Variants in NRXN3 observed in about 807,000 individuals in gnomAD.
NRXN3 encodes the protein neurexin 3, also known as neurexin III.
In NRXN3, 32 loss-of-function variants were observed where a neutral mutation model predicts 137.6. The ratio of observed to expected loss-of-function variants is 0.23; its 90% CI spans 0.18 to 0.31. The LOEUF (loss-of-function observed/expected upper bound fraction) is 0.31, where lower values mean the gene tolerates loss of function less well. Ranked by LOEUF, NRXN3 falls within the 10% of genes least tolerant of loss-of-function variation. NRXN3 has a pLI of 1.00. For synonymous variants in NRXN3, 798 were observed against 784.5 expected (o/e 1.02, Z -0.29); for missense variants, 1,574 against 2,062.5 (o/e 0.76, Z 4.59).
chr14:78,891,493 T>A (rs1325482833), intron 10 of NRXN3, among the ~76,000 whole-genome samples: 1 of 151,892 alleles, frequency 6.6e-6, no homozygotes, highest in East Asian at 1.9e-4. Flanking sequence ...GAGCTCACTG[T>A]ACATCCATGA....
At chr14:79,543,852 A>G (rs1325510310) in intron 16 of NRXN3, among the ~76,000 whole-genome samples, 2 of 152,170 alleles carry the variant, frequency 1.3e-5, no homozygotes, top group Non-Finnish European at 2.9e-5. Flanking sequence ...TTTTCAAGAG[A>G]AGCCAACAGT....
At chr14:79,640,930 G>T (rs543323008) in intron 16 of NRXN3, among the ~76,000 whole-genome samples, 2 of 135,920 alleles carry the variant, frequency 1.5e-5, no homozygotes, top group East Asian at 3.9e-4. Context: ...AAGGTAAGTA[G>T]CCTCTACTGG....
intron 15 of NRXN3, among the ~76,000 whole-genome samples, chr14:79,054,544 G>A (rs982194286): frequency 6.6e-6 from 1 of 152,152 alleles, no homozygotes; most frequent in African/African-American, 2.4e-5. Flanking sequence ...TGCTCTCTGT[G>A]CAAGGAGTCC....
At chr14:78,959,861 C>T (rs1476819501) in intron 11 of NRXN3, among the ~76,000 whole-genome samples, 1 of 152,118 alleles carries the variant, frequency 6.6e-6, no homozygotes, top group African/African-American at 2.4e-5. Flanking sequence ...GGATTCACAG[C>T]CGCTTCTGAA....
chr14:78,627,526 G>A (rs17107959), intron 4 of NRXN3, among the ~76,000 whole-genome samples: 5,120 of 152,272 alleles, frequency 0.034, 309 homozygotes, highest in African/African-American at 0.12. Context: ...ACTCTGGGAC[G>A]TTGATGGAAA....
intron 4 of NRXN3, among the ~76,000 whole-genome samples, chr14:78,587,591 C>A (rs1366060952): frequency 6.6e-6 from 1 of 152,176 alleles, no homozygotes; most frequent in African/African-American, 2.4e-5. Flanking sequence ...CATTTTTGGA[C>A]AATTAGAAGT....
intron 15 of NRXN3, among the ~76,000 whole-genome samples, chr14:79,022,251 C>G (rs775565150): frequency 1.3e-5 from 2 of 152,108 alleles, no homozygotes; most frequent in Non-Finnish European, 2.9e-5. Context: ...AGGTTTACTG[C>G]AAGCTTTTGG....
rs543509348 is a variant in NRXN3, at chr14:78,569,803, A to G, written c.758-75317A>G. Among the ~76,000 whole-genome samples the G allele has an allele frequency of 1.0e-3, 154 of 150,890 alleles. 3 individuals are homozygous for G. The highest frequency in any genetic ancestry group is 8.0e-3 in the Admixed American group (119 of 14,962). ...TCAAACTCCTGATCTCAAGTGATCT[A>G]CCCGCCTCGGCCTCCCAAAGTGTCC... is the stretch of plus-strand genomic sequence containing the variant. On this transcript the variant is annotated intron_variant, in intron 4 of 20. Transcript: ENST00000335750.
intron 8 of NRXN3, among the ~76,000 whole-genome samples, chr14:78,775,836 A>G (rs1173215339): frequency 6.6e-6 from 1 of 152,244 alleles, no homozygotes; most frequent in Non-Finnish European, 1.5e-5. Flanking sequence ...CAGTTATCTG[A>G]GGTAATTCCT....
At position 78,207,249 on chromosome 14, in the gene NRXN3, C is replaced by T. The variant is rs192805538; in HGVS notation, c.-703-35142C>T. ...TTCTTAAAGCCTGTGAAAACCCACC[C>T]CTTCTTTTTGGTTTGTTTCTTTTAT... On this transcript the variant is annotated intron_variant, in intron 1 of 20. Coordinates refer to ENST00000335750, the MANE Select transcript of NRXN3 (RefSeq NM_001330195.2). 2.6e-5 allele frequency among the ~76,000 whole-genome samples: 4 copies of T among 152,254 alleles called. No homozygotes were observed. In the East Asian group the frequency reaches 7.7e-4, roughly 29 times the overall value.
intron 8 of NRXN3, among the ~76,000 whole-genome samples, chr14:78,760,034 C>CTTTTTTTTTTTTTTTTTTTTTTT: frequency 1.2e-5 from 1 of 86,718 alleles, no homozygotes. Flanking sequence ...AGCCTGCAGT[C>CTTTTTTTTTTTTTTTTTTTTTTT]TTTTTTTTTT....
At chr14:79,740,466 C>T (rs1471922222) in intron 19 of NRXN3, among the ~76,000 whole-genome samples, 1 of 151,782 alleles carries the variant, frequency 6.6e-6, no homozygotes, top group Non-Finnish European at 1.5e-5. Flanking sequence ...TCCATCTTTT[C>T]AACCGTCTCT....
At chr14:79,344,386 T>A (rs2092764984) in intron 15 of NRXN3, among the ~76,000 whole-genome samples, 1 of 152,194 alleles carries the variant, frequency 6.6e-6, no homozygotes, top group Non-Finnish European at 1.5e-5. Flanking sequence ...ATATTTAATA[T>A]GCTCAATGTG....
chr14:79,398,735 C>T (rs563998712), intron 15 of NRXN3, among the ~76,000 whole-genome samples: 5 of 152,046 alleles, frequency 3.3e-5, no homozygotes, highest in East Asian at 1.9e-4. Flanking sequence ...GTTGGCTGGG[C>T]GTGGTTGTTC....
intron 1 of NRXN3, among the ~76,000 whole-genome samples, chr14:78,215,806 G>A (rs2063214390): frequency 6.6e-6 from 1 of 151,704 alleles, no homozygotes; most frequent in Non-Finnish European, 1.5e-5. Flanking sequence ...CACCTAGGTG[G>A]CCACTCTTTG....
intron 16 of NRXN3, among the ~76,000 whole-genome samples, chr14:79,554,245 G>C (rs1329073641): frequency 6.6e-6 from 1 of 152,092 alleles, no homozygotes; most frequent in Admixed American, 6.6e-5. Flanking sequence ...AACTTGGTAG[G>C]GAAAAGGCAG....
At chr14:79,381,462 C>A (rs138690429) in intron 15 of NRXN3, among the ~76,000 whole-genome samples, 1 of 152,104 alleles carries the variant, frequency 6.6e-6, no homozygotes, top group Non-Finnish European at 1.5e-5. Flanking sequence ...CCTTGACCTT[C>A]GTCTGTGGAG....
At chr14:79,059,250 C>CTTTTTTTTTGTTTTTTTTTTTTTTTT (rs2099670789) in intron 15 of NRXN3, among the ~76,000 whole-genome samples, 1 of 78,320 alleles carries the variant, frequency 1.3e-5, no homozygotes, top group Non-Finnish European at 2.5e-5. Context: ...AGGCCCTATT[C>CTTTTTTTTTGTTTTTTTTTTTTTTTT]TTTTTTTTTT....
chr14:79,247,824 G>A (rs2075398537), intron 15 of NRXN3, among the ~76,000 whole-genome samples: 3 of 151,780 alleles, frequency 2.0e-5, no homozygotes, highest in Admixed American at 2.0e-4. Flanking sequence ...AAACCCAGGA[G>A]TTTTTCCACC....
Sources: gnomAD v4.1 joint callset for allele counts (sites outside exome capture counted in the v4.1 genomes callset) on GRCh38, gnomAD v4.1.1 for gene constraint, MANE v1.5 for transcripts, NCBI Gene and HGNC (gene_info 2026-07-23, HGNC 2026-07-21) for gene names.